Variants in NEDD4L observed in about 807,000 individuals in gnomAD.
The protein encoded by NEDD4L is E3 ubiquitin-protein ligase NEDD4-like.
In NEDD4L, 54 loss-of-function variants were observed where a neutral mutation model predicts 148.9. That is an observed-to-expected ratio of 0.36 (90% CI 0.29 to 0.45). The LOEUF (loss-of-function observed/expected upper bound fraction) is 0.45. NEDD4L is among the 20% of genes least tolerant of loss of function. NEDD4L has a pLI of 1.00. For missense variants in NEDD4L, 856 were observed against 1,233.8 expected, an observed-to-expected ratio of 0.69 and a Z score of 4.59; for synonymous variants, 433 against 440.7, an observed-to-expected ratio of 0.98 and a Z score of 0.22.
intron 5 of NEDD4L, among the ~76,000 whole-genome samples, chr18:58,307,060 G>A (rs900845219): frequency 2.0e-5 from 3 of 152,194 alleles, no homozygotes; most frequent in Non-Finnish European, 4.4e-5. Context: ...AGCCAACTTT[G>A]GTGGAGTCCA....
chr18:58,342,739 A>G (rs570232328), intron 15 of NEDD4L, among the ~76,000 whole-genome samples, 167 bp from the exon 16 acceptor site: 2 of 152,222 alleles, frequency 1.3e-5, no homozygotes, highest in Admixed American at 6.5e-5. Flanking sequence ...AACAGAGAAA[A>G]TGTAAAGTTA....
At chr18:58,295,303 T>C (rs2055393866) in intron 5 of NEDD4L, among the ~76,000 whole-genome samples, 1 of 152,238 alleles carries the variant, frequency 6.6e-6, no homozygotes, top group South Asian at 2.1e-4. Flanking sequence ...CAACCACTCA[T>C]CCTTTTACTG....
chr18:58,201,048 A>T (rs1428779130), intron 2 of NEDD4L, among the ~76,000 whole-genome samples: 6 of 152,216 alleles, frequency 3.9e-5, no homozygotes, highest in African/African-American at 1.4e-4. Context: ...GATAAAGAAG[A>T]TTAGGCTGGT....
Position 58,373,251 on chromosome 18 carries a change from C to A in NEDD4L, c.2334C>A (p.Asp778Glu). Reference protein sequence around the residue: ...PTELDLMFCIDEENFGQTYQV... With the variant: ...PTELDLMFCIEEENFGQTYQV... ...AGCTGGACCTCATGTTCTGCATAGA[C>A]GAAGAAAACTTTGGACAGGTACATG... The change falls in exon 24 of 31, where the codon GAC becomes GAA. Residue 778 changes from aspartate (D) to glutamate (E), a missense_variant. By Grantham distance (45) the Asp-to-Glu change is conservative (BLOSUM62 2). Transcript: ENST00000400345. 1 of 1,577,242 alleles carries A rather than the reference C, an allele frequency of 6.3e-7. No homozygotes were observed. The highest frequency in any genetic ancestry group is 1.2e-5 in the South Asian group (1 of 86,046).
At chr18:58,111,854 G>A (rs2085438092) in intron 1 of NEDD4L, among the ~76,000 whole-genome samples, 1 of 152,138 alleles carries the variant, frequency 6.6e-6, no homozygotes, top group Non-Finnish European at 1.5e-5. Context: ...CCTAGGAATG[G>A]AACTGCCAGA....
intron 5 of NEDD4L, chr18:58,255,337 G>T: frequency 3.5e-6 from 1 of 282,918 alleles, no homozygotes; most frequent in Non-Finnish European, 6.3e-6. Context: ...AAAAGAGCGA[G>T]TAGGGGAAAA....
rs183494462 is a variant in NEDD4L at position 58,266,218 on chromosome 18, A to C, written c.297+14164A>C. ...CTAAACCAAGTGCCAAATTAAATTC[A>C]GGATAGATAATTTCATATAAAATGT... On this transcript the variant is annotated intron_variant, in intron 5 of 30. Transcript: ENST00000400345. Among the ~76,000 whole-genome samples, 360 of 152,228 alleles carry C rather than the reference A, an allele frequency of 2.4e-3. 3 individuals carry two copies. The highest frequency in any genetic ancestry group is 3.7e-3 in the Non-Finnish European group (251 of 67,966).
intron 2 of NEDD4L, among the ~76,000 whole-genome samples, chr18:58,217,181 G>A (rs550958421): frequency 3.9e-4 from 60 of 152,314 alleles, no homozygotes; most frequent in Middle Eastern, 3.4e-3. Context: ...GGAAGAAAAA[G>A]CTAACGCGAG....
intron 23 of NEDD4L, chr18:58,372,396 G>A (rs1366543685): frequency 6.6e-6 from 1 of 151,930 alleles, no homozygotes; most frequent in Non-Finnish European, 1.5e-5. Flanking sequence ...CAGGATTATA[G>A]GCATGAGCCA....
intron 1 of NEDD4L, among the ~76,000 whole-genome samples, chr18:58,063,569 CT>C (rs373856644): frequency 4.5e-4 from 63 of 140,364 alleles, no homozygotes; most frequent in Middle Eastern, 3.6e-3. Flanking sequence ...GATAGTACAG[CT>C]TTTTTTTTTT....
chr18:58,334,361 C>A (rs764193583), intron 12 of NEDD4L, among the ~76,000 whole-genome samples: 6 of 152,168 alleles, frequency 3.9e-5, no homozygotes, highest in Non-Finnish European at 8.8e-5. Context: ...GGCAGCTCTG[C>A]TCACCAGGAA....
chr18:58,084,982 A>G (rs2083682922), intron 1 of NEDD4L, among the ~76,000 whole-genome samples: 1 of 152,112 alleles, frequency 6.6e-6, no homozygotes. Flanking sequence ...GGTGTGAGCC[A>G]CTGCGCCCAG....
intron 5 of NEDD4L, among the ~76,000 whole-genome samples, chr18:58,311,465 C>T (rs2057689570): frequency 6.6e-6 from 1 of 152,210 alleles, no homozygotes; most frequent in Non-Finnish European, 1.5e-5. Flanking sequence ...GGGCTCCCAG[C>T]TGGGGGTCTT....
chr18:58,389,670 T>G (rs2049538140), intron 28 of NEDD4L, among the ~76,000 whole-genome samples: 3 of 152,034 alleles, frequency 2.0e-5, no homozygotes, highest in Admixed American at 2.0e-4. Context: ...GGCCACTGTT[T>G]GTATCCTGTT....
intron 1 of NEDD4L, among the ~76,000 whole-genome samples, chr18:58,137,933 CTT>C (rs888449978): frequency 5.9e-5 from 9 of 152,214 alleles, no homozygotes; most frequent in Admixed American, 2.0e-4. Flanking sequence ...GTGTCAGCCT[CTT>C]TTCAGTGTGC....
At chr18:58,104,103 A>G (rs894799) in intron 1 of NEDD4L, among the ~76,000 whole-genome samples, 37,684 of 152,238 alleles carry the variant, frequency 0.25, 8,800 homozygotes, top group African/African-American at 0.62. Flanking sequence ...ACAGATTGTG[A>G]TATATCCACG....
chr18:58,181,338 A>G lies in NEDD4L; in HGVS notation c.122+15477A>G, dbSNP rs550542683. Among the ~76,000 whole-genome samples, 7 of 152,358 alleles carry G rather than the reference A, an allele frequency of 4.6e-5. No homozygotes were observed. In the South Asian group the frequency reaches 1.4e-3, roughly 32 times the overall value. ...TACTGTATTCATTTCATATGGTCCC[A>G]GAGATAAAATGTTTAGGATTCATTT... On this transcript the variant is annotated intron_variant, in intron 2 of 30. Transcript: ENST00000400345.
chr18:58,348,766 A>G (rs1472844431), intron 16 of NEDD4L, among the ~76,000 whole-genome samples: 4 of 152,190 alleles, frequency 2.6e-5, no homozygotes, highest in Non-Finnish European at 5.9e-5. Flanking sequence ...GGTCTGTTGC[A>G]GGATTTTACA....
chr18:58,216,701 G>C (rs1012281576), intron 2 of NEDD4L, among the ~76,000 whole-genome samples: 2 of 152,152 alleles, frequency 1.3e-5, no homozygotes, highest in Non-Finnish European at 2.9e-5. Context: ...TGGAATCACT[G>C]CTCCTTTTAG....
Sources: allele counts gnomAD v4.1 joint callset (sites outside exome capture counted in the v4.1 genomes callset), GRCh38; gene constraint gnomAD v4.1.1; transcripts MANE v1.5; gene names NCBI Gene and HGNC (gene_info 2026-07-23, HGNC 2026-07-21).